The following N4BP2 variants were observed in gnomAD, a reference collection of about 807,000 sequenced individuals.
The protein encoded by N4BP2 is NEDD4-binding protein 2.
A neutral mutation model predicts 152.8 loss-of-function variants in N4BP2; 91 were observed. That is an observed-to-expected ratio of 0.60 (90% CI 0.50 to 0.71). The LOEUF is 0.71. Ranked by LOEUF, N4BP2 falls within the 30% of genes least tolerant of loss-of-function variation. The pLI, the probability that N4BP2 is intolerant of heterozygous loss-of-function variation, is 0.00. For missense variants in N4BP2, 1,923 were observed against 2,059.1 expected (o/e 0.93, Z 1.28); for synonymous variants, 646 against 705.3 (o/e 0.92, Z 1.33).
At chr4:40,100,089 A>G in intron 3 of N4BP2, 1 of 456,090 alleles carries the variant, frequency 2.2e-6, no homozygotes, top group Non-Finnish European at 4.4e-6. Context: ...GCACTTTTTC[A>G]TGGATTATCT....
At chr4:40,067,774 C>T (rs1226175300) in intron 1 of N4BP2, among the ~76,000 whole-genome samples, 1 of 152,110 alleles carries the variant, frequency 6.6e-6, no homozygotes, top group Non-Finnish European at 1.5e-5. Flanking sequence ...TGTTGGCTCA[C>T]TGTAACCTCT....
chr4:40,157,207 T>G lies in N4BP2; in HGVS notation c.*2970T>G, dbSNP rs918701304. ...TATTCCAATGTGAGAAATGGAAGTG[T>G]TTTTTTTTTTACGTTTATTGGCTCT... On this transcript the variant is annotated 3_prime_UTR_variant, in exon 18 of 18. Coordinates refer to ENST00000261435, the MANE Select transcript of N4BP2 (RefSeq NM_018177.6). 2.8e-5 allele frequency: 4 copies of G among 143,032 alleles called. No individual in the cohort carries two copies. The highest frequency in any genetic ancestry group is 8.1e-5 in the African/African-American group (3 of 36,970). The allele number at this position is 143,032 out of a possible 1,614,324, so 8.9% of individuals were successfully genotyped here. A position where few individuals can be genotyped will look rare whatever the true frequency, so the allele number is the denominator to read the frequency against.
chr4:40,104,874 G>A (rs371842728), intron 4 of N4BP2, among the ~76,000 whole-genome samples: 261 of 150,274 alleles, frequency 1.7e-3, no homozygotes, highest in African/African-American at 5.9e-3. Context: ...GTGCGATCTC[G>A]GCTCACTGCA....
chr4:40,142,284 G>T (rs2110033764), intron 14 of N4BP2: 1 of 324,620 alleles, frequency 3.1e-6, no homozygotes, highest in South Asian at 3.3e-5. Flanking sequence ...GGTTCCTTTG[G>T]ATCATGGCCC....
At chr4:40,107,999 C>T (rs1317719366) in intron 5 of N4BP2, among the ~76,000 whole-genome samples, 1 of 150,108 alleles carries the variant, frequency 6.7e-6, no homozygotes, top group African/African-American at 2.5e-5. Context: ...TCTCGGCTCA[C>T]TGCAACCTCC....
chr4:40,116,085 G>A (rs1366420116), intron 7 of N4BP2, among the ~76,000 whole-genome samples: 2 of 152,038 alleles, frequency 1.3e-5, no homozygotes, highest in Admixed American at 6.6e-5. Context: ...GTTGTAAAGT[G>A]TAATTTGTCT....
chr4:40,185,953 C>T, the N4BP2 span, among the ~76,000 whole-genome samples: 1 of 152,196 alleles, frequency 6.6e-6, no homozygotes, highest in Non-Finnish European at 1.5e-5. Context: ...TCTTTTTGAG[C>T]ACAGACACTG....
chr4:40,133,267 A>G (rs1719058313), intron 13 of N4BP2, among the ~76,000 whole-genome samples: 1 of 151,878 alleles, frequency 6.6e-6, no homozygotes, highest in African/African-American at 2.4e-5. Flanking sequence ...TTTGATTTTG[A>G]TACATATTTT....
chr4:40,181,474 G>A, the N4BP2 span, among the ~76,000 whole-genome samples: 1 of 152,210 alleles, frequency 6.6e-6, no homozygotes, highest in Non-Finnish European at 1.5e-5. Flanking sequence ...CAAGATAGAA[G>A]TTGGTTTTTC....
chr4:40,158,649 G>T (rs1255153559), downstream of N4BP2, among the ~76,000 whole-genome samples: 3 of 151,978 alleles, frequency 2.0e-5, no homozygotes, highest in African/African-American at 7.3e-5. Flanking sequence ...AATTAGCCAG[G>T]CATGGTGGCA....
chr4:40,106,627 C>T (rs1004854816), intron 4 of N4BP2, among the ~76,000 whole-genome samples: 7 of 152,150 alleles, frequency 4.6e-5, no homozygotes, highest in African/African-American at 1.7e-4. Context: ...CAGCTCACTG[C>T]AACCTCTGCC....
At chr4:40,057,512 C>G (rs1733296535) in intron 1 of N4BP2, among the ~76,000 whole-genome samples, 1 of 152,158 alleles carries the variant, frequency 6.6e-6, no homozygotes, top group South Asian at 2.1e-4. Context: ...TTACTCAGTT[C>G]AAGTCCAGAC....
At position 40,142,681 on chromosome 4, in the gene N4BP2, A is replaced by T. The variant is rs761156447; in HGVS notation, c.4794A>T (p.Lys1598Asn). Residue 1598 changes from lysine to asparagine, a missense_variant, in exon 15 of 18, where the codon AAA becomes AAT. Transcript: ENST00000261435. ...GQKSKEKKPKKLKETEETPSE... is the reference protein window; with the variant it reads ...GQKSKEKKPKNLKETEETPSE... The stretch of plus-strand genomic sequence containing the variant: ...TGTTTAATATCTTATAGCCAAAGAA[A>T]TTAAAAGAGACTGAAGAAACACCAA... The T allele has an allele frequency of 4.4e-6, 7 of 1,605,384 alleles. No homozygotes were observed. The highest frequency in any genetic ancestry group is 5.9e-6 in the Non-Finnish European group (7 of 1,177,292).
intron 3 of N4BP2, among the ~76,000 whole-genome samples, chr4:40,101,340 A>C (rs1217011819): frequency 1.3e-5 from 2 of 152,062 alleles, no homozygotes; most frequent in Non-Finnish European, 2.9e-5. Context: ...TTATATTTTT[A>C]GTAGAGATGG....
chr4:40,142,808 A>G lies in N4BP2; in HGVS notation c.4921A>G (p.Lys1641Glu), dbSNP rs765158812. The change falls in exon 15 of 18, where the codon AAA becomes GAA. Residue 1641 changes from lysine (K) to glutamate (E), a missense_variant. Lys to Glu is a moderately conservative substitution (Grantham distance 56). Coordinates refer to ENST00000261435, the MANE Select transcript of N4BP2 (RefSeq NM_018177.6). ...GAGGATGGAGTGCTACAGCAAGGCC[A>G]AAGAAGCTTATCGGATAGGGAAAAA... The part of the protein sequence containing the change: ...QKRMECYSKA[K>E]EAYRIGKKNV... The G allele has an allele frequency of 8.7e-6, 14 of 1,614,070 alleles. No individual in the cohort carries two copies. The highest frequency in any genetic ancestry group is 6.7e-5 in the East Asian group (3 of 44,886).
At position 40,102,723 on chromosome 4, in the gene N4BP2, C is replaced by A. The variant is rs1715807819; in HGVS notation, c.878C>A (p.Ala293Asp). The A allele has an allele frequency of 6.2e-7, 1 of 1,614,038 alleles. No homozygotes were observed. Among genetic ancestry groups the A allele is most frequent in the Non-Finnish European group, 8.5e-7 (1 of 1,180,028 alleles). ...PVDLDASEPQ[A>D]CLNLPGLDLP... ...GATTTGGATGCCAGTGAACCTCAGG[C>A]TTGTTTAAACCTTCCAGGGCTTGAT... The change falls in exon 4 of 18, where the codon GCT (alanine) becomes GAT (aspartate). Residue 293 changes from alanine to aspartate, a missense_variant. Coordinates refer to ENST00000261435, the MANE Select transcript of N4BP2 (RefSeq NM_018177.6).
At chr4:40,069,441 C>T (rs536824001) in intron 1 of N4BP2, among the ~76,000 whole-genome samples, 2 of 152,072 alleles carry the variant, frequency 1.3e-5, no homozygotes, top group South Asian at 2.1e-4. Context: ...ATTTTTTTCC[C>T]TTCCTTTCAT....
At chr4:40,125,625 C>A (rs1302832437) in intron 11 of N4BP2, among the ~76,000 whole-genome samples, 1 of 152,194 alleles carries the variant, frequency 6.6e-6, no homozygotes, top group Non-Finnish European at 1.5e-5. Flanking sequence ...GTGGCTCACG[C>A]CTGTAATCCC....
the N4BP2 span, among the ~76,000 whole-genome samples, chr4:40,184,585 CA>C: frequency 5.3e-5 from 8 of 152,164 alleles, no homozygotes; most frequent in African/African-American, 1.9e-4. Context: ...CCAATTTTAC[CA>C]TTCAGAGACA....
Sources: allele counts gnomAD v4.1 joint callset (sites outside exome capture counted in the v4.1 genomes callset), GRCh38; gene constraint gnomAD v4.1.1; transcripts MANE v1.5; gene names NCBI Gene and HGNC (gene_info 2026-07-23, HGNC 2026-07-21).